The following ACSM6 variants were observed in gnomAD, a reference collection of about 807,000 sequenced individuals.
The protein encoded by ACSM6 is acyl-CoA synthetase medium chain family member 6.
ACSM6 carries 35 observed loss-of-function variants against 51.1 expected under a neutral mutation model. The ratio of observed to expected loss-of-function variants is 0.69; its 90% CI spans 0.52 to 0.91. The LOEUF (loss-of-function observed/expected upper bound fraction) is 0.91. Among genes scored for constraint, ACSM6 ranks in the 40% least tolerant of loss-of-function variants. The probability of loss-of-function intolerance (pLI) is 0.00; values close to 1 mark genes in which losing one functional copy is unlikely to be tolerated. For missense variants in ACSM6, 509 were observed against 584.1 expected, an observed-to-expected ratio of 0.87 and a Z score of 1.32; for synonymous variants, 172 against 207.3, an observed-to-expected ratio of 0.83 and a Z score of 1.46.
chr10:95,198,958 C>T (rs2034763715), intron 2 of ACSM6, among the ~76,000 whole-genome samples: 1 of 152,188 alleles, frequency 6.6e-6, no homozygotes, highest in African/African-American at 2.4e-5. Context: ...ATACCATCTC[C>T]ATCAAGCTAC....
rs149022483 is a variant in ACSM6 at position 95,227,483 on chromosome 10, G to A, written c.1303-1161G>A. On this transcript the variant is annotated intron_variant, in intron 10 of 10. Coordinates refer to ENST00000341686, the Ensembl canonical transcript of ACSM6. ...TTTTGAGTTAAAGCCTAGGTAAAAC[G>A]TTTTAAATATTTTAATAATTTCTGT... 4.0e-3 allele frequency among the ~76,000 whole-genome samples: 602 copies of A among 152,184 alleles called. 3 individuals are homozygous for A. The highest frequency in any genetic ancestry group is 0.014 in the African/African-American group (574 of 41,528).
intron 3 of ACSM6, among the ~76,000 whole-genome samples, chr10:95,202,761 T>TAA (rs1049336737): frequency 6.8e-6 from 1 of 146,536 alleles, no homozygotes; most frequent in Non-Finnish European, 1.5e-5. Context: ...CCAACTCCAC[T>TAA]AAAAAAAAAC....
At chr10:95,210,335 C>T (rs2034882041) in intron 4 of ACSM6, among the ~76,000 whole-genome samples, 1 of 151,790 alleles carries the variant, frequency 6.6e-6, no homozygotes, top group South Asian at 2.1e-4. Context: ...GTAGGTAAGT[C>T]GATAGATGGG....
chr10:95,226,003 T>A (rs987529122), intron 10 of ACSM6: 9 of 152,224 alleles, frequency 5.9e-5, no homozygotes, highest in African/African-American at 1.9e-4. Flanking sequence ...GATAAACATC[T>A]TTCTCAAGAC....
At chr10:95,211,581 TAATC>T (rs1404069785) in intron 5 of ACSM6, among the ~76,000 whole-genome samples, 4 of 152,244 alleles carry the variant, frequency 2.6e-5, no homozygotes, top group African/African-American at 9.6e-5. Context: ...ATCACTGACT[TAATC>T]AATCCATTAA....
intron 3 of ACSM6, among the ~76,000 whole-genome samples, chr10:95,206,307 C>T (rs2034838210): frequency 6.6e-6 from 1 of 152,100 alleles, no homozygotes; most frequent in Admixed American, 6.5e-5. Flanking sequence ...CAAGGTTCAC[C>T]CATGTTATAG....
rs570703905 is a variant in ACSM6, at chr10:95,220,763, G to C, written c.1200+792G>C. The stretch of plus-strand genomic sequence containing the variant: ...AGTTTCACTACATATTATTTAACAG[G>C]ATGTGGAAGTTAACCTAATACATTG... On this transcript the variant is annotated intron_variant, in intron 9 of 10. Transcript: ENST00000341686. Among the ~76,000 whole-genome samples, 4 of 152,172 alleles carry C rather than the reference G, an allele frequency of 2.6e-5. 1 individual carries two copies. The highest frequency in any genetic ancestry group is 9.6e-5 in the African/African-American group (4 of 41,524).
At chr10:95,196,629 A>G (rs140712646) in intron 2 of ACSM6, among the ~76,000 whole-genome samples, 26 of 152,340 alleles carry the variant, frequency 1.7e-4, no homozygotes, top group Admixed American at 3.9e-4. Context: ...GTCATTCTAT[A>G]TATAACTATT....
intron 9 of ACSM6, among the ~76,000 whole-genome samples, chr10:95,224,762 G>A (rs2035023595): frequency 6.6e-6 from 1 of 152,078 alleles, no homozygotes; most frequent in Admixed American, 6.6e-5. Context: ...ATTCTTAATA[G>A]GAAAAAATAA....
chr10:95,228,598 G>T lies in ACSM6; in HGVS notation c.1303-46G>T, dbSNP rs750277152. 5.2e-5 allele frequency: 80 copies of T among 1,533,626 alleles called. No homozygotes were observed. The South Asian group carries it at 9.8e-4, about 19-fold the overall frequency. On this transcript the variant is annotated intron_variant, in intron 10 of 10. Coordinates refer to ENST00000341686, the Ensembl canonical transcript of ACSM6. ...GCTCAATTCATATCACTAAATGATT[G>T]TGAGAGGGAAGTAAATGTAGGTTTC... is the stretch of plus-strand genomic sequence containing the variant.
At chr10:95,194,513 T>C in exon 2 of ACSM6, 1 of 1,551,724 alleles carries the variant, frequency 6.4e-7, no homozygotes, top group Non-Finnish European at 8.7e-7. Flanking sequence ...ACCCTTCTCC[T>C]TGGTCCGGAG....
At chr10:95,199,271 A>C (rs909297848) in intron 2 of ACSM6, among the ~76,000 whole-genome samples, 5 of 152,238 alleles carry the variant, frequency 3.3e-5, no homozygotes, top group African/African-American at 1.2e-4. Context: ...TATTTAATAA[A>C]TGGTGCTGGG....
chr10:95,217,389 C>T (rs2133387981), intron 8 of ACSM6, among the ~76,000 whole-genome samples: 1 of 151,682 alleles, frequency 6.6e-6, no homozygotes, highest in Admixed American at 6.6e-5. Flanking sequence ...GGAAGTGTTG[C>T]CTGGATTAAC....
At position 95,212,047 on chromosome 10, in the gene ACSM6, C is replaced by T. The variant is rs1186472914; in HGVS notation, c.912+13C>T. 6.2e-7 allele frequency: 1 copy of T among 1,613,766 alleles called. No individual in the cohort carries two copies. Among genetic ancestry groups the T allele is most frequent in the East Asian group, 2.2e-5 (1 of 44,856 alleles). On this transcript the variant is annotated intron_variant, in intron 6 of 10. Coordinates refer to ENST00000341686, the Ensembl canonical transcript of ACSM6. ...GACTGTTCTAAATGTAAGATCAATTCCTAGTGTGGAATGTGTGGGACAAAG... is the reference window on the plus strand; with the variant it reads ...GACTGTTCTAAATGTAAGATCAATTTCTAGTGTGGAATGTGTGGGACAAAG...
chr10:95,215,952 G>C (rs1564590426), intron 8 of ACSM6, among the ~76,000 whole-genome samples: 1 of 152,102 alleles, frequency 6.6e-6, no homozygotes, highest in Non-Finnish European at 1.5e-5. Flanking sequence ...AAGAGAGGCA[G>C]GGTCTTGCTT....
rs181979818 is a variant in ACSM6 at position 95,201,550 on chromosome 10, T to A, written c.193-435T>A. 3.2e-4 allele frequency: 145 copies of A among 454,974 alleles called. 1 individual carries two copies. The highest frequency in any genetic ancestry group is 2.4e-3 in the African/African-American group (122 of 50,248). 28.2% of individuals were successfully genotyped at this position (454,974 alleles called of 1,614,324 possible). Reference sequence around the variant, plus strand: ...TGTATACCACATTGTCTTTATCCAATCATCCACTGATGGACCCTTAGGTTG... The same window carrying A: ...TGTATACCACATTGTCTTTATCCAAACATCCACTGATGGACCCTTAGGTTG... On this transcript the variant is annotated intron_variant, in intron 2 of 10. Transcript: ENST00000341686.
chr10:95,209,261 G>C (rs1431933957), intron 4 of ACSM6, among the ~76,000 whole-genome samples: 1 of 152,118 alleles, frequency 6.6e-6, no homozygotes, highest in Non-Finnish European at 1.5e-5. Flanking sequence ...AGGTGGGAGC[G>C]AGCTTAAACT....
chr10:95,196,905 C>T (rs1185033163), intron 2 of ACSM6, among the ~76,000 whole-genome samples: 1 of 152,156 alleles, frequency 6.6e-6, no homozygotes, highest in African/African-American at 2.4e-5. Flanking sequence ...TGTTACCCCT[C>T]TAAGTAGTTT....
chr10:95,203,118 C>G (rs2034810529), intron 3 of ACSM6, among the ~76,000 whole-genome samples: 1 of 152,030 alleles, frequency 6.6e-6, no homozygotes. Flanking sequence ...TGAGCTCTGC[C>G]TCCTGTCAGA....
Sources: gnomAD v4.1 joint callset for allele counts (sites outside exome capture counted in the v4.1 genomes callset) on GRCh38, gnomAD v4.1.1 for gene constraint, MANE v1.5 for transcripts, NCBI Gene and HGNC (gene_info 2026-07-23, HGNC 2026-07-21) for gene names.